Variants in QRICH1 observed in about 807,000 individuals in gnomAD.
The protein encoded by QRICH1 is glutamine rich 1, also known as transcriptional regulator QRICH1.
In QRICH1, 16 loss-of-function variants were observed where a neutral mutation model predicts 87.1. That is an observed-to-expected ratio of 0.18 (90% CI 0.12 to 0.28). The LOEUF (loss-of-function observed/expected upper bound fraction) is 0.28, where lower values mean the gene tolerates loss of function less well. QRICH1 is among the 10% of genes least tolerant of loss of function. QRICH1 has a pLI of 1.00. For synonymous variants in QRICH1, 367 were observed against 368.4 expected, an observed-to-expected ratio of 1.00 and a Z score of 0.05; for missense variants, 647 against 951.7, an observed-to-expected ratio of 0.68 and a Z score of 4.21.
chr3:49,059,903 G>A (rs545081470), intron 2 of QRICH1, among the ~76,000 whole-genome samples: 1 of 117,110 alleles, frequency 8.5e-6, no homozygotes, highest in South Asian at 2.7e-4. Context: ...TTTTTTTTTT[G>A]AGACGGAGTC....
chr3:49,056,822 G>A, intron 3 of QRICH1, 40 bp downstream of exon 3: 2 of 1,613,912 alleles, frequency 1.2e-6, no homozygotes, highest in Non-Finnish European at 1.7e-6. Context: ...TGGGCCCTGA[G>A]GGACCAGGCT....
Position 49,032,791 on chromosome 3 carries a change from T to C in QRICH1, c.1896-18A>G, listed in dbSNP as rs576525265. ...GGAAGTACCTGGATCACAAGTAAAATGCAAGGCAGAGGGAGGGGTGCCGGG... is the reference window on the plus strand; with the variant it reads ...GGAAGTACCTGGATCACAAGTAAAACGCAAGGCAGAGGGAGGGGTGCCGGG... On this transcript the variant is annotated intron_variant, in intron 7 of 9. Coordinates refer to ENST00000395443, the MANE Select transcript of QRICH1 (RefSeq NM_198880.3). The C allele has an allele frequency of 6.0e-4, 956 of 1,598,714 alleles. 13 individuals are homozygous for C. In the South Asian group the frequency reaches 0.01, roughly 17 times the overall value.
chr3:49,086,447 C>CG (rs1170098889), intron 1 of QRICH1, among the ~76,000 whole-genome samples: 2 of 151,708 alleles, frequency 1.3e-5, no homozygotes, highest in African/African-American at 2.4e-5. Flanking sequence ...TTAGTAGAGA[C>CG]GGGGTTTCGC....
At chr3:49,054,046 G>A (rs778884025) in intron 3 of QRICH1, among the ~76,000 whole-genome samples, 10 of 152,074 alleles carry the variant, frequency 6.6e-5, no homozygotes, top group Non-Finnish European at 1.3e-4. Context: ...ATGGAAAATC[G>A]GGATTCTTCA....
At chr3:49,087,614 G>T (rs2107040470) in intron 1 of QRICH1, among the ~76,000 whole-genome samples, 1 of 151,324 alleles carries the variant, frequency 6.6e-6, no homozygotes, top group East Asian at 1.9e-4. Context: ...AGTGGCTCAT[G>T]CCTGTAATCC....
At chr3:49,067,315 C>G (rs938535085) in intron 2 of QRICH1, among the ~76,000 whole-genome samples, 1 of 152,026 alleles carries the variant, frequency 6.6e-6, no homozygotes, top group African/African-American at 2.4e-5. Flanking sequence ...CGCCTGTAAT[C>G]CCAGCACTTT....
At chr3:49,078,383 TTCC>T (rs1393556590) in intron 1 of QRICH1, among the ~76,000 whole-genome samples, 3 of 138,478 alleles carry the variant, frequency 2.2e-5, no homozygotes, top group South Asian at 2.4e-4. Context: ...AGAATTATGG[TTCC>T]TTTTTTTTTT....
In QRICH1 at chr3:49,047,244, A is replaced by G. The variant is rs761180356; in HGVS notation, c.1341T>C (p.Ala447=). Residue 447 remains alanine, a splice_region_variant and synonymous_variant, in exon 4 of 10, where the codon GCT becomes GCC. Transcript: ENST00000395443. ...CAACTTCAGCAACCTGGACAGTTTG[A>G]GCCTATAGGAGAGAAACCATGAAAA... ...QQQQLQVTCS[A]QTVQVAEVEP... is the part of the protein sequence containing the mutation. The G allele has an allele frequency of 6.2e-7, 1 of 1,604,276 alleles. No homozygotes were observed. The highest frequency in any genetic ancestry group is 1.1e-5 in the South Asian group (1 of 90,246).
At chr3:49,053,850 C>T (rs1193316003) in intron 3 of QRICH1, among the ~76,000 whole-genome samples, 1 of 152,150 alleles carries the variant, frequency 6.6e-6, no homozygotes, top group Non-Finnish European at 1.5e-5. Flanking sequence ...CATTTTGTCA[C>T]TAGCTCCCCT....
intron 3 of QRICH1, among the ~76,000 whole-genome samples, chr3:49,049,315 C>CA (rs2093356779): frequency 6.6e-6 from 1 of 151,644 alleles, no homozygotes. Context: ...CATAGTGGCT[C>CA]ATGCCTGTAA....
intron 3 of QRICH1, among the ~76,000 whole-genome samples, chr3:49,054,833 T>C (rs539306674): frequency 6.6e-6 from 1 of 152,142 alleles, no homozygotes; most frequent in South Asian, 2.1e-4. Flanking sequence ...GCCCAGGAGT[T>C]AGAGGCTACA....
intron 2 of QRICH1, among the ~76,000 whole-genome samples, chr3:49,072,420 G>T (rs986279287): frequency 1.3e-5 from 2 of 151,974 alleles, no homozygotes; most frequent in Non-Finnish European, 2.9e-5. Context: ...CATGTACTCG[G>T]GAGGCTGAGG....
At chr3:49,058,039 C>CGTAT in intron 2 of QRICH1, 149 bp from the exon 3 acceptor site, 1 of 1,357,480 alleles carries the variant, frequency 7.4e-7, no homozygotes, top group South Asian at 1.3e-5. Context: ...GGACACAATA[C>CGTAT]GTAAGACTAG....
intron 9 of QRICH1, 47 bp downstream of exon 9, chr3:49,032,126 GCACACGCATA>G: frequency 7.5e-7 from 1 of 1,326,106 alleles, no homozygotes; most frequent in Non-Finnish European, 1.1e-6. Context: ...AAGTGAGCAT[GCACACGCATA>G]CACACACATG....
At chr3:49,033,098 G>A in intron 7 of QRICH1, 22 bp downstream of exon 7, 3 of 1,454,774 alleles carry the variant, frequency 2.1e-6, no homozygotes, top group Non-Finnish European at 2.8e-6. Flanking sequence ...GATGCCAGCA[G>A]TGGAGCCTCT....
At chr3:49,053,486 CAAAA>C (rs11417565) in intron 3 of QRICH1, among the ~76,000 whole-genome samples, 1 of 112,908 alleles carries the variant, frequency 8.9e-6, no homozygotes, top group Non-Finnish European at 1.8e-5. Context: ...CCCCCTGTCT[CAAAA>C]AAAAAAAAAA....
At chr3:49,078,696 T>A (rs1225185872) in intron 1 of QRICH1, among the ~76,000 whole-genome samples, 74 of 122,636 alleles carry the variant, frequency 6.0e-4, no homozygotes, top group Non-Finnish European at 7.5e-4. Flanking sequence ...CACCTGTCCT[T>A]TTTTTTTTTT....
intron 6 of QRICH1, 37 bp downstream of exon 6, chr3:49,044,353 G>A: frequency 6.8e-7 from 1 of 1,466,178 alleles, no homozygotes; most frequent in Non-Finnish European, 9.4e-7. Flanking sequence ...CTTAAATCCA[G>A]GTAGGAAAGA....
chr3:49,064,523 G>A (rs568156377), intron 2 of QRICH1, among the ~76,000 whole-genome samples: 1 of 151,880 alleles, frequency 6.6e-6, no homozygotes, highest in African/African-American at 2.4e-5. Context: ...AAAGTGCTGA[G>A]ATTACAGGCA....
Sources: allele counts gnomAD v4.1 joint callset (sites outside exome capture counted in the v4.1 genomes callset), GRCh38; gene constraint gnomAD v4.1.1; transcripts MANE v1.5; gene names NCBI Gene and HGNC (gene_info 2026-07-23, HGNC 2026-07-21).